Variants in OXSR1 observed in about 807,000 individuals in gnomAD.
OXSR1 encodes oxidative stress responsive kinase 1.
Under a neutral mutation model 79.8 loss-of-function variants are expected in OXSR1, and 24 were observed. The observed-to-expected ratio is 0.30, with a 90% CI of 0.22 to 0.42. OXSR1 has a LOEUF of 0.42. Ranked by LOEUF, OXSR1 falls within the 10% of genes least tolerant of loss-of-function variation. The probability of loss-of-function intolerance (pLI) is 1.00; values close to 1 mark genes in which losing one functional copy is unlikely to be tolerated. For synonymous variants in OXSR1, 226 were observed against 209.2 expected (o/e 1.08, Z -0.69); for missense variants, 430 against 618.4 (o/e 0.70, Z 3.23).
intron 15 of OXSR1, among the ~76,000 whole-genome samples, chr3:38,250,640 G>A (rs1282811187): frequency 6.6e-6 from 1 of 152,124 alleles, no homozygotes; most frequent in Non-Finnish European, 1.5e-5. Context: ...TCTGTTCTGT[G>A]TATCATGCTT....
intron 4 of OXSR1, among the ~76,000 whole-genome samples, chr3:38,203,120 G>A (rs956393632): frequency 3.3e-5 from 5 of 152,164 alleles, no homozygotes; most frequent in Admixed American, 6.5e-5. Context: ...AGTAGATAGC[G>A]GTAGAAGGAA....
rs188902371 is a variant in OXSR1, at chr3:38,233,499, C to T, written c.951+3069C>T. 2.6e-5 allele frequency among the ~76,000 whole-genome samples: 4 copies of T among 152,142 alleles called. No individual in the cohort carries two copies. The East Asian group carries it at 7.7e-4, about 29-fold the overall frequency. Reference sequence around the variant, plus strand: ...ATAGATCTAGGATCACAGGATACCTCAGGGAAACCTCTTAATGTGAAAAAT... The same window carrying T: ...ATAGATCTAGGATCACAGGATACCTTAGGGAAACCTCTTAATGTGAAAAAT... On this transcript the variant is annotated intron_variant, in intron 10 of 17. Transcript: ENST00000311806.
chr3:38,208,817 G>T (rs1702319915), intron 4 of OXSR1, among the ~76,000 whole-genome samples: 1 of 152,324 alleles, frequency 6.6e-6, no homozygotes, highest in East Asian at 1.9e-4. Flanking sequence ...CAGGAGAATG[G>T]CCTGAACGTG....
rs143136743 is a variant in OXSR1, at chr3:38,247,693, A to C, written c.1283A>C (p.Gln428Pro). The change falls in exon 14 of 18, where the codon CAA becomes CCA. Residue 428 changes from glutamine (Q) to proline (P), a missense_variant. Physicochemically the swap from Gln to Pro is moderately conservative, Grantham distance 76. Transcript: ENST00000311806. The stretch of plus-strand genomic sequence containing the variant: ...GCTTTGTCTTCAGGATCAGGTTCAC[A>C]AGAAACCAAGATCCCAATCAGTCTA... ...AQALSSGSGS[Q>P]ETKIPISLVL... 2.9e-5 allele frequency: 47 copies of C among 1,612,244 alleles called. No individual in the cohort carries two copies. The highest frequency in any genetic ancestry group is 3.9e-5 in the Non-Finnish European group (46 of 1,178,618).
At chr3:38,230,004 G>A (rs772707017) in intron 9 of OXSR1, among the ~76,000 whole-genome samples, 36 of 152,150 alleles carry the variant, frequency 2.4e-4, no homozygotes, top group African/African-American at 4.3e-4. Flanking sequence ...GAAAAATACC[G>A]AACTCTGGTT....
intron 1 of OXSR1, 113 bp from the exon 2 acceptor site, chr3:38,182,890 T>C (rs956713769): frequency 1.8e-5 from 10 of 570,286 alleles, no homozygotes; most frequent in South Asian, 4.9e-5. Flanking sequence ...CTATCTGTTA[T>C]GCGCTGTAGG....
chr3:38,186,136 G>C (rs1701882197), intron 2 of OXSR1, among the ~76,000 whole-genome samples: 1 of 151,646 alleles, frequency 6.6e-6, no homozygotes, highest in Admixed American at 6.6e-5. Flanking sequence ...AAGAATAGTA[G>C]ACAGCCTAGA....
chr3:38,250,146 G>A (rs1057302367), intron 15 of OXSR1, 128 bp downstream of exon 15: 10 of 650,164 alleles, frequency 1.5e-5, no homozygotes, highest in Middle Eastern at 3.6e-4. Context: ...TGGTTTTGGC[G>A]AGTATATGAG....
At chr3:38,237,884 C>G (rs1326738698) in intron 11 of OXSR1, among the ~76,000 whole-genome samples, 2 of 152,074 alleles carry the variant, frequency 1.3e-5, no homozygotes, top group African/African-American at 4.8e-5. Context: ...TCATGTGACT[C>G]CTGTTTGAAT....
chr3:38,165,740 C>A lies in OXSR1; in HGVS notation c.-137C>A. 2.7e-6 allele frequency: 2 copies of A among 739,098 alleles called. No individual in the cohort carries two copies. Among genetic ancestry groups the A allele is most frequent in the South Asian group, 1.8e-5 (1 of 54,896 alleles). 45.8% of individuals were successfully genotyped at this position (739,098 alleles called of 1,614,324 possible). On this transcript the variant is annotated 5_prime_UTR_variant, in exon 1 of 18. Coordinates refer to ENST00000311806, the MANE Select transcript of OXSR1 (RefSeq NM_005109.3). Reference sequence around the variant, plus strand: ...GGTGACCCCGCGCCCCGGCGCCGTCCGACCCGTGGCTGTTCCGAGACGATT... The same window carrying A: ...GGTGACCCCGCGCCCCGGCGCCGTCAGACCCGTGGCTGTTCCGAGACGATT...
At chr3:38,217,411 G>A (rs992415821) in intron 5 of OXSR1, among the ~76,000 whole-genome samples, 5 of 152,160 alleles carry the variant, frequency 3.3e-5, no homozygotes, top group Admixed American at 2.6e-4. Context: ...AAACTCGTCC[G>A]TATCTGTGCC....
At chr3:38,201,100 C>G (rs903051036) in intron 4 of OXSR1, among the ~76,000 whole-genome samples, 4 of 151,920 alleles carry the variant, frequency 2.6e-5, no homozygotes, top group African/African-American at 9.7e-5. Flanking sequence ...GAAATGGGGT[C>G]GTGCTGTGTC....
chr3:38,178,600 A>G (rs1274811300), intron 1 of OXSR1, among the ~76,000 whole-genome samples: 1 of 114,508 alleles, frequency 8.7e-6, no homozygotes, highest in Non-Finnish European at 1.8e-5. Flanking sequence ...CACCATATCC[A>G]GCTATATATA....
At chr3:38,197,302 A>T (rs1224089078) in intron 3 of OXSR1, among the ~76,000 whole-genome samples, 1 of 152,202 alleles carries the variant, frequency 6.6e-6, no homozygotes, top group Non-Finnish European at 1.5e-5. Context: ...GGAGGTGAAG[A>T]GTTAGTAGGC....
At chr3:38,173,419 T>G (rs187786720) in intron 1 of OXSR1, among the ~76,000 whole-genome samples, 109 of 152,352 alleles carry the variant, frequency 7.2e-4, no homozygotes, top group Non-Finnish European at 1.3e-3. Flanking sequence ...TAGTTCTTAT[T>G]TCTAGGCCCT....
At chr3:38,244,292 G>A (rs913868260) in intron 12 of OXSR1, among the ~76,000 whole-genome samples, 2 of 152,020 alleles carry the variant, frequency 1.3e-5, no homozygotes, top group African/African-American at 4.8e-5. Context: ...TTCACATAAT[G>A]TAAAATTTAC....
Position 38,165,771 on chromosome 3 carries a change from G to C in OXSR1, c.-106G>C. 9.9e-7 allele frequency: 1 copy of C among 1,006,940 alleles called. No homozygotes were observed. Among genetic ancestry groups the C allele is most frequent in the Admixed American group, 2.1e-5 (1 of 47,950 alleles). The allele number at this position is 1,006,940 out of a possible 1,614,324, so 62.4% of individuals were successfully genotyped here. On this transcript the variant is annotated 5_prime_UTR_variant, in exon 1 of 18. Transcript: ENST00000311806. ...GTGGCTGTTCCGAGACGATTGGTGG[G>C]GGCGCGGCGGCGGCGGCGGCGGCTG...
In OXSR1 at chr3:38,230,398, AGAG is replaced by A. The variant is rs1335956547; in HGVS notation, c.920_922del (p.Arg307_Ala308delinsThr). 1.9e-6 allele frequency: 3 copies of A among 1,603,094 alleles called. No individual in the cohort carries two copies. Among genetic ancestry groups the A allele is most frequent in the African/African-American group, 1.3e-5 (1 of 74,140 alleles). ...ATTTCTTCAAGAAAAAACATTGCAG[AGAG>A]CACCAACCATTTCTGAAAGAGCAAA... On this transcript the variant is annotated inframe_deletion, in exon 10 of 18. Coordinates refer to ENST00000311806, the MANE Select transcript of OXSR1 (RefSeq NM_005109.3).
intron 1 of OXSR1, among the ~76,000 whole-genome samples, chr3:38,177,269 G>T (rs951773197): frequency 6.6e-6 from 1 of 152,210 alleles, no homozygotes; most frequent in Non-Finnish European, 1.5e-5. Context: ...GAAGGCAAGA[G>T]AAAGCAGTTA....
Sources: gnomAD v4.1 joint callset for allele counts (sites outside exome capture counted in the v4.1 genomes callset) on GRCh38, gnomAD v4.1.1 for gene constraint, MANE v1.5 for transcripts, NCBI Gene and HGNC (gene_info 2026-07-23, HGNC 2026-07-21) for gene names.